The following FSIP1 variants were observed in gnomAD, a reference collection of about 807,000 sequenced individuals.
The protein encoded by FSIP1 is fibrous sheath interacting protein 1, also known as fibrous sheath-interacting protein 1.
A neutral mutation model predicts 60.9 loss-of-function variants in FSIP1; 65 were observed. The ratio of observed to expected loss-of-function variants is 1.07; its 90% CI spans 0.87 to 1.31. The LOEUF (loss-of-function observed/expected upper bound fraction) is 1.31, where lower values mean the gene tolerates loss of function less well. Ranked by LOEUF, FSIP1 falls within the 40% of genes most tolerant of loss-of-function variation. The pLI, the probability that FSIP1 is intolerant of heterozygous loss-of-function variation, is 0.00. For missense variants in FSIP1, 675 were observed against 665.5 expected, an observed-to-expected ratio of 1.01 and a Z score of -0.16; for synonymous variants, 209 against 221.2, an observed-to-expected ratio of 0.94 and a Z score of 0.49.
In FSIP1 at chr15:39,726,754, G is replaced by A. The variant is rs1896213975; in HGVS notation, c.892-7C>T. On this transcript the variant is annotated splice_region_variant and splice_polypyrimidine_tract_variant and intron_variant, in intron 8 of 11. Transcript: ENST00000350221. Reference sequence around the variant, plus strand: ...CCCAGCCAGACTGATCACCCTAAGAGGAAACAAGGGTCACCAGGTCATTCT... The same window carrying A: ...CCCAGCCAGACTGATCACCCTAAGAAGAAACAAGGGTCACCAGGTCATTCT... 6.2e-7 allele frequency: 1 copy of A among 1,612,214 alleles called. No homozygotes were observed. The highest frequency in any genetic ancestry group is 1.3e-5 in the African/African-American group (1 of 74,900).
intron 9 of FSIP1, 55 bp from the exon 10 acceptor site, chr15:39,713,636 A>ACAT: frequency 6.6e-7 from 1 of 1,521,396 alleles, no homozygotes; most frequent in South Asian, 1.2e-5. Flanking sequence ...GTGCTGTCAC[A>ACAT]TACCACCTCA....
chr15:39,713,314 C>T (rs1330444018), intron 10 of FSIP1, 130 bp downstream of exon 10: 1 of 717,956 alleles, frequency 1.4e-6, no homozygotes, highest in African/African-American at 1.8e-5. Context: ...CACCTGTAAT[C>T]CTAGCACTTT....
At chr15:39,751,739 G>A (rs997110863) in intron 5 of FSIP1, among the ~76,000 whole-genome samples, 11 of 151,924 alleles carry the variant, frequency 7.2e-5, no homozygotes, top group Non-Finnish European at 1.6e-4. Flanking sequence ...AAGATCTAAT[G>A]TACAACTCAA....
chr15:39,780,811 C>T (rs191519055), intron 1 of FSIP1, among the ~76,000 whole-genome samples: 28 of 152,206 alleles, frequency 1.8e-4, no homozygotes, highest in Non-Finnish European at 3.5e-4. Context: ...TGGTCTCGAA[C>T]CCCTGACCTC....
At chr15:39,707,990 G>A (rs753346352) in intron 10 of FSIP1, among the ~76,000 whole-genome samples, 7 of 152,206 alleles carry the variant, frequency 4.6e-5, no homozygotes, top group South Asian at 2.1e-4. Context: ...AAGTACCAGA[G>A]ACAAACATCA....
chr15:39,726,312 G>A (rs112829217), intron 9 of FSIP1, among the ~76,000 whole-genome samples: 1 of 152,060 alleles, frequency 6.6e-6, no homozygotes, highest in African/African-American at 2.4e-5. Flanking sequence ...TGCCATATCC[G>A]CTTTCTTCCC....
chr15:39,772,810 C>A (rs564711788), intron 2 of FSIP1, among the ~76,000 whole-genome samples: 3 of 152,008 alleles, frequency 2.0e-5, no homozygotes, highest in African/African-American at 7.3e-5. Context: ...AGGCTGGTCT[C>A]GAACTCCTGG....
intron 5 of FSIP1, chr15:39,747,351 T>C (rs542312795): frequency 2.0e-5 from 3 of 152,340 alleles, no homozygotes; most frequent in South Asian, 2.1e-4. Flanking sequence ...TCTGGACTTT[T>C]AGGCCTACCT....
intron 1 of FSIP1, among the ~76,000 whole-genome samples, chr15:39,780,449 C>T (rs1898221820): frequency 1.3e-5 from 2 of 152,092 alleles, no homozygotes; most frequent in Non-Finnish European, 1.5e-5. Context: ...GGCCTGAACC[C>T]GGGAGGCGGA....
Position 39,776,496 on chromosome 15 carries a change from C to G in FSIP1, c.29G>C (p.Gly10Ala). MDIIKGNLD[G>A]ISKPASNSRI... ...TGAATTTGAAGCTGGTTTTGAAATT[C>G]CATCTAGGTTTCCCTTTATAATATC... The change falls in exon 2 of 12, where the codon GGA (glycine) becomes GCA (alanine). Residue 10 changes from glycine to alanine, a missense_variant. Transcript: ENST00000350221. 6.2e-7 allele frequency: 1 copy of G among 1,612,532 alleles called. No homozygotes were observed. Among genetic ancestry groups the G allele is most frequent in the Non-Finnish European group, 8.5e-7 (1 of 1,178,764 alleles).
chr15:39,737,535 T>C (rs764576458), intron 8 of FSIP1, among the ~76,000 whole-genome samples: 45 of 152,104 alleles, frequency 3.0e-4, no homozygotes, highest in Non-Finnish European at 5.9e-4. Context: ...CAGGAAGAAG[T>C]TACTGTGATA....
intron 10 of FSIP1, among the ~76,000 whole-genome samples, chr15:39,647,216 TTTTA>T (rs886550991): frequency 1.3e-5 from 2 of 152,192 alleles, no homozygotes; most frequent in African/African-American, 4.8e-5. Context: ...TAATACTGCC[TTTTA>T]TTTGAGATTC....
At chr15:39,746,096 A>T (rs950327749) in intron 5 of FSIP1, among the ~76,000 whole-genome samples, 3 of 152,152 alleles carry the variant, frequency 2.0e-5, no homozygotes, top group African/African-American at 7.2e-5. Flanking sequence ...TAAAAATTTA[A>T]AAAATTAAAA....
intron 10 of FSIP1, among the ~76,000 whole-genome samples, chr15:39,620,894 C>T (rs1189508421): frequency 6.6e-6 from 1 of 151,190 alleles, no homozygotes; most frequent in Admixed American, 6.6e-5. Flanking sequence ...GCGTGAGCCA[C>T]CATGCCCAGC....
intron 10 of FSIP1, among the ~76,000 whole-genome samples, chr15:39,666,303 T>C (rs952786345): frequency 1.3e-5 from 2 of 152,170 alleles, no homozygotes; most frequent in Non-Finnish European, 2.9e-5. Context: ...AAGTCCGCAA[T>C]TTACAAGAAG....
chr15:39,685,244 G>A (rs1208079713), intron 10 of FSIP1, among the ~76,000 whole-genome samples: 1 of 152,128 alleles, frequency 6.6e-6, no homozygotes, highest in African/African-American at 2.4e-5. Flanking sequence ...TCCACCATGA[G>A]GATTTCCATG....
intron 11 of FSIP1, among the ~76,000 whole-genome samples, chr15:39,614,644 CA>C (rs35512322): frequency 0.036 from 3,435 of 96,276 alleles, 81 homozygotes; most frequent in African/African-American, 0.08. Flanking sequence ...GACTCCATCT[CA>C]AAAAAAAAAA....
chr15:39,731,936 T>A (rs919280084), intron 8 of FSIP1, among the ~76,000 whole-genome samples: 5 of 152,174 alleles, frequency 3.3e-5, no homozygotes, highest in Non-Finnish European at 7.4e-5. Flanking sequence ...TTTCTTAAAT[T>A]CTAAGTAAGT....
chr15:39,670,976 A>G (rs1177389255), intron 10 of FSIP1, among the ~76,000 whole-genome samples: 1 of 152,242 alleles, frequency 6.6e-6, no homozygotes, highest in East Asian at 1.9e-4. Context: ...CTGAAAAAAT[A>G]ACACTTGACA....
Sources: gnomAD v4.1 joint callset for allele counts (sites outside exome capture counted in the v4.1 genomes callset) on GRCh38, gnomAD v4.1.1 for gene constraint, MANE v1.5 for transcripts, NCBI Gene and HGNC (gene_info 2026-07-23, HGNC 2026-07-21) for gene names.